Variants in LIMCH1 observed in about 807,000 individuals in gnomAD.
The protein encoded by LIMCH1 is LIM and calponin homology domains 1.
Under a neutral mutation model 176.5 loss-of-function variants are expected in LIMCH1, and 113 were observed. That is an observed-to-expected ratio of 0.64 (90% CI 0.55 to 0.75). LIMCH1 has a LOEUF of 0.75. Among genes scored for constraint, LIMCH1 ranks in the 30% least tolerant of loss-of-function variants. The pLI is 0.00. For missense variants in LIMCH1, 1,674 were observed against 1,814.9 expected (o/e 0.92, Z 1.41); for synonymous variants, 619 against 645.9 (o/e 0.96, Z 0.63).
intron 1 of LIMCH1, among the ~76,000 whole-genome samples, chr4:41,480,913 G>A (rs868569088): frequency 4.6e-5 from 7 of 152,118 alleles, no homozygotes; most frequent in Middle Eastern, 3.2e-3. Context: ...AAAGCCACTC[G>A]CATGTCTCCG....
chr4:41,547,276 G>A (rs1238547867), intron 1 of LIMCH1, among the ~76,000 whole-genome samples: 3 of 151,998 alleles, frequency 2.0e-5, no homozygotes, highest in Non-Finnish European at 2.9e-5. Context: ...CTGGAATTTC[G>A]TGTGCTTTGA....
rs1561760091 is a variant in LIMCH1, at chr4:41,562,706, G to T, written c.-241+24356G>T. The stretch of plus-strand genomic sequence containing the variant: ...GTTTAAAATAGGAAAGTTCAGGCTG[G>T]AGTCTGGAAATAAGTATTGATCCCT... On this transcript the variant is annotated intron_variant, in intron 1 of 31. Transcript: ENST00000503057. Among the ~76,000 whole-genome samples the T allele has an allele frequency of 6.6e-5, 10 of 152,106 alleles. No homozygotes were observed. In the South Asian group the frequency reaches 1.9e-3, roughly 28 times the overall value.
At chr4:41,372,592 A>G (rs2054138888) in intron 1 of LIMCH1, among the ~76,000 whole-genome samples, 3 of 152,232 alleles carry the variant, frequency 2.0e-5, no homozygotes, top group Non-Finnish European at 4.4e-5. Flanking sequence ...ATCTTGGGTC[A>G]TATGGAAAAT....
chr4:41,647,637 C>T (rs2094120712), intron 17 of LIMCH1, among the ~76,000 whole-genome samples: 1 of 152,220 alleles, frequency 6.6e-6, no homozygotes, highest in Non-Finnish European at 1.5e-5. Flanking sequence ...TCCCCTTGTC[C>T]TTGCACTCAA....
At chr4:41,583,330 T>G (rs1030711839) in intron 1 of LIMCH1, among the ~76,000 whole-genome samples, 1 of 152,180 alleles carries the variant, frequency 6.6e-6, no homozygotes, top group African/African-American at 2.4e-5. Flanking sequence ...ATGTTCACCC[T>G]TCTCCTCTCT....
chr4:41,376,554 A>T (rs1331030013), intron 1 of LIMCH1, among the ~76,000 whole-genome samples: 9 of 152,186 alleles, frequency 5.9e-5, no homozygotes, highest in Non-Finnish European at 8.8e-5. Context: ...AAATCTCCAA[A>T]TGGCCTTTAC....
chr4:41,419,302 C>G (rs369588845), intron 1 of LIMCH1, among the ~76,000 whole-genome samples: 2 of 151,936 alleles, frequency 1.3e-5, no homozygotes, highest in East Asian at 3.9e-4. Context: ...CTCAGCCTCC[C>G]GAGTAGCTGG....
chr4:41,490,533 T>C (rs984863944), intron 1 of LIMCH1, among the ~76,000 whole-genome samples: 19 of 152,186 alleles, frequency 1.2e-4, no homozygotes, highest in African/African-American at 4.1e-4. Flanking sequence ...CATCTTGCAC[T>C]GCCCTTAAAC....
At chr4:41,508,564 G>C (rs2074461985) in intron 2 of LIMCH1, among the ~76,000 whole-genome samples, 1 of 152,138 alleles carries the variant, frequency 6.6e-6, no homozygotes, top group African/African-American at 2.4e-5. Context: ...ATGAGATATG[G>C]AAGCCTCTCT....
chr4:41,506,397 G>A (rs1478095060), intron 2 of LIMCH1, among the ~76,000 whole-genome samples: 1 of 152,198 alleles, frequency 6.6e-6, no homozygotes, highest in African/African-American at 2.4e-5. Context: ...GTAACTTTGT[G>A]TGGAGACATT....
At chr4:41,541,933 TCG>T (rs1358384065) in intron 1 of LIMCH1, among the ~76,000 whole-genome samples, 2 of 152,168 alleles carry the variant, frequency 1.3e-5, no homozygotes, top group Non-Finnish European at 2.9e-5. Flanking sequence ...ACTTGAAAAG[TCG>T]CTCTGGTTTC....
chr4:41,376,157 A>G (rs910671687), intron 1 of LIMCH1, among the ~76,000 whole-genome samples: 37 of 152,134 alleles, frequency 2.4e-4, no homozygotes, highest in African/African-American at 8.9e-4. Flanking sequence ...CTTTTTTGTT[A>G]ATAGAACGAA....
chr4:41,495,671 T>C (rs973078591), intron 2 of LIMCH1, among the ~76,000 whole-genome samples: 1 of 152,196 alleles, frequency 6.6e-6, no homozygotes, highest in Non-Finnish European at 1.5e-5. Context: ...AAGTCTCATT[T>C]TTTTCTAAAA....
At chr4:41,613,971 C>T (rs1418732744) in intron 5 of LIMCH1, among the ~76,000 whole-genome samples, 2 of 152,174 alleles carry the variant, frequency 1.3e-5, no homozygotes, top group Non-Finnish European at 2.9e-5. Context: ...ACCATTAGCT[C>T]ATAAAGTGTG....
At chr4:41,435,442 A>G (rs2061989634) in intron 1 of LIMCH1, among the ~76,000 whole-genome samples, 1 of 152,164 alleles carries the variant, frequency 6.6e-6, no homozygotes, top group Admixed American at 6.5e-5. Context: ...TACCCCTAGA[A>G]CTGTAAGAGT....
At chr4:41,671,264 T>C (rs2095015294) in intron 21 of LIMCH1, among the ~76,000 whole-genome samples, 1 of 152,150 alleles carries the variant, frequency 6.6e-6, no homozygotes, top group East Asian at 1.9e-4. Flanking sequence ...TTTTGCTTCC[T>C]GTAGTCTAGT....
intron 1 of LIMCH1, among the ~76,000 whole-genome samples, chr4:41,493,175 C>G (rs975500963): frequency 5.3e-5 from 8 of 151,888 alleles, no homozygotes; most frequent in Admixed American, 2.6e-4. Context: ...ATGTTTAAAC[C>G]ATTTATATTT....
In LIMCH1 at chr4:41,559,987, G is replaced by C. The variant is rs185228321; in HGVS notation, c.-241+21637G>C. Reference sequence around the variant, plus strand: ...ATTGATAGTCCCGATCTCTTTCCAGGGCTTATTTCCAAGTACTACCTAGAC... The same window carrying C: ...ATTGATAGTCCCGATCTCTTTCCAGCGCTTATTTCCAAGTACTACCTAGAC... On this transcript the variant is annotated intron_variant, in intron 1 of 31. Coordinates refer to ENST00000503057, the MANE Select transcript of LIMCH1 (RefSeq NM_001330672.2). Among the ~76,000 whole-genome samples, 334 of 152,100 alleles carry C rather than the reference G, an allele frequency of 2.2e-3. 7 individuals carry two copies. The highest frequency in any genetic ancestry group is 0.021 in the Admixed American group (322 of 15,254).
chr4:41,394,445 G>T (rs2057586220), intron 1 of LIMCH1, among the ~76,000 whole-genome samples: 1 of 152,140 alleles, frequency 6.6e-6, no homozygotes. Context: ...ACCTATTGTT[G>T]ACTAAGGCTA....
Sources: gnomAD v4.1 joint callset for allele counts (sites outside exome capture counted in the v4.1 genomes callset) on GRCh38, gnomAD v4.1.1 for gene constraint, MANE v1.5 for transcripts, NCBI Gene and HGNC (gene_info 2026-07-23, HGNC 2026-07-21) for gene names.